Variants in LRIG3 observed in about 807,000 individuals in gnomAD.
LRIG3 encodes leucine-rich repeats and immunoglobulin-like domains protein 3.
A neutral mutation model predicts 114.5 loss-of-function variants in LRIG3; 76 were observed. The ratio of observed to expected loss-of-function variants is 0.66; its 90% CI spans 0.55 to 0.80. The LOEUF (loss-of-function observed/expected upper bound fraction) is 0.80. Among genes scored for constraint, LRIG3 ranks in the 30% least tolerant of loss-of-function variants. The pLI, the probability that LRIG3 is intolerant of heterozygous loss-of-function variation, is 0.00. For missense variants in LRIG3, 1,239 were observed against 1,382.8 expected (o/e 0.90, Z 1.65); for synonymous variants, 512 against 519.8 (o/e 0.98, Z 0.20).
intron 1 of LRIG3, among the ~76,000 whole-genome samples, chr12:58,915,542 T>C (rs1314968239): frequency 6.6e-6 from 1 of 152,090 alleles, no homozygotes; most frequent in African/African-American, 2.4e-5. Context: ...CTGGATTCTC[T>C]TTTTCACCTA....
chr12:58,904,825 A>G (rs1360287636), intron 3 of LRIG3, among the ~76,000 whole-genome samples: 1 of 152,192 alleles, frequency 6.6e-6, no homozygotes, highest in Admixed American at 6.6e-5. Flanking sequence ...GAGAAAATAA[A>G]AGACATGATC....
chr12:58,896,278 C>T (rs1871638930), intron 3 of LRIG3, among the ~76,000 whole-genome samples: 1 of 152,188 alleles, frequency 6.6e-6, no homozygotes, highest in Non-Finnish European at 1.5e-5. Flanking sequence ...AGTGTGATGA[C>T]TGGTTCTACT....
intron 14 of LRIG3, among the ~76,000 whole-genome samples, 166 bp from the exon 15 acceptor site, chr12:58,878,018 A>G (rs1870987483): frequency 6.6e-6 from 1 of 152,194 alleles, no homozygotes; most frequent in African/African-American, 2.4e-5. Context: ...TCAGTATTTC[A>G]CTATTCTGCT....
At chr12:58,882,467 A>C (rs1051366193) in intron 12 of LRIG3, among the ~76,000 whole-genome samples, 7 of 152,210 alleles carry the variant, frequency 4.6e-5, no homozygotes, top group African/African-American at 1.7e-4. Context: ...CACCCCATAA[A>C]TCATTAATAA....
rs147929311 is a variant in LRIG3 at position 58,874,731 on chromosome 12, T to C, written c.2696-158A>G. 1.3e-3 allele frequency among the ~76,000 whole-genome samples: 192 copies of C among 152,360 alleles called. 2 individuals carry two copies. The highest frequency in any genetic ancestry group is 4.3e-3 in the African/African-American group (177 of 41,592). Reference sequence around the variant, plus strand: ...ATTTACAGTAGGGTTTTAAAAAATTTATTAGAGGACTTAATTAGCCATTGT... The same window carrying C: ...ATTTACAGTAGGGTTTTAAAAAATTCATTAGAGGACTTAATTAGCCATTGT... On this transcript the variant is annotated intron_variant, in intron 16 of 18. Transcript: ENST00000320743.
chr12:58,906,286 G>C (rs1371675681), intron 3 of LRIG3, among the ~76,000 whole-genome samples: 1 of 151,908 alleles, frequency 6.6e-6, no homozygotes, highest in Non-Finnish European at 1.5e-5. Flanking sequence ...TTTTAAAAAA[G>C]GTAGCAACTA....
chr12:58,888,603 G>A (rs1592299486), intron 6 of LRIG3, 131 bp from the exon 7 acceptor site: 28 of 1,310,376 alleles, frequency 2.1e-5, no homozygotes, highest in East Asian at 7.6e-5. Flanking sequence ...ATATGAAGAC[G>A]TCAGCAAAAA....
intron 3 of LRIG3, among the ~76,000 whole-genome samples, chr12:58,895,148 C>G (rs1871595061): frequency 6.6e-6 from 1 of 152,204 alleles, no homozygotes; most frequent in Non-Finnish European, 1.5e-5. Flanking sequence ...CCATTTTCAT[C>G]TGATGATATT....
Position 58,910,486 on chromosome 12 carries a change from T to C in LRIG3, c.383+3496A>G, listed in dbSNP as rs1430655000. Among the ~76,000 whole-genome samples the C allele has an allele frequency of 3.9e-5, 6 of 152,280 alleles. No individual in the cohort carries two copies. In the East Asian group the frequency reaches 1.2e-3, roughly 29 times the overall value. Reference sequence around the variant, plus strand: ...AACTGGGCGTGGCAGCATGCGCCTGTAGTCCCAGCTGCTGGGGAGGCTGAG... The same window carrying C: ...AACTGGGCGTGGCAGCATGCGCCTGCAGTCCCAGCTGCTGGGGAGGCTGAG... On this transcript the variant is annotated intron_variant, in intron 3 of 18. Transcript: ENST00000320743.
chr12:58,915,351 T>A (rs1051484180), intron 1 of LRIG3, among the ~76,000 whole-genome samples: 3 of 152,206 alleles, frequency 2.0e-5, no homozygotes, highest in African/African-American at 4.8e-5. Context: ...CGGAGTTTTT[T>A]AAATAACCAA....
chr12:58,920,092 G>A lies in LRIG3; in HGVS notation c.144C>T (p.Pro48=), dbSNP rs1426797136. The change falls in exon 1 of 19, where the codon CCC becomes CCT. Residue 48 remains proline (P), a synonymous_variant. Transcript: ENST00000320743. ...PSGVAAERPC[P]TTCRCLGDLL... ...GGTCCCCGAGGCAGCGGCAGGTAGT[G>A]GGGCATGGGCGCTCGGCGGCTACCC... 1.3e-6 allele frequency: 2 copies of A among 1,555,162 alleles called. No individual in the cohort carries two copies. Among genetic ancestry groups the A allele is most frequent in the Non-Finnish European group, 1.7e-6 (2 of 1,150,018 alleles).
intron 14 of LRIG3, among the ~76,000 whole-genome samples, chr12:58,878,089 C>T (rs780598652): frequency 1.8e-4 from 28 of 152,192 alleles, no homozygotes; most frequent in Non-Finnish European, 2.5e-4. Context: ...CTCAGCTTCC[C>T]TCACTTTTGC....
In LRIG3 at chr12:58,888,476, C is replaced by T. The variant is rs761342878; in HGVS notation, c.804-4G>A. The T allele has an allele frequency of 7.4e-6, 12 of 1,611,854 alleles. No individual in the cohort carries two copies. Among genetic ancestry groups the T allele is most frequent in the Non-Finnish European group, 9.3e-6 (11 of 1,178,188 alleles). ...TAGGTTGTTATGGTCCAGCTGCCTA[C>T]ATTTACAGTAAGAATCAAAAGCAGG... On this transcript the variant is annotated splice_region_variant and splice_polypyrimidine_tract_variant and intron_variant, in intron 6 of 18. Transcript: ENST00000320743.
chr12:58,879,522 T>C (rs557162196), intron 13 of LRIG3, among the ~76,000 whole-genome samples: 4 of 152,322 alleles, frequency 2.6e-5, no homozygotes, highest in Admixed American at 2.6e-4. Flanking sequence ...AAGATACATG[T>C]TTTGCCCTAC....
chr12:58,914,275 G>A lies in LRIG3; in HGVS notation c.298C>T (p.Leu100Phe). ...ATAACGAAGACTCACACTTCTCGAA[G>A]GCTTTGAAGGTGGCTCATGGAACTT... Reference protein sequence around the residue: ...KASSMSHLQSLREVKLNNNEL... With the variant: ...KASSMSHLQSFREVKLNNNEL... The change falls in exon 2 of 19, where the codon CTT (leucine) becomes TTT (phenylalanine). Residue 100 changes from leucine (L) to phenylalanine (F), a missense_variant. Coordinates refer to ENST00000320743, the MANE Select transcript of LRIG3 (RefSeq NM_153377.5). 1 of 1,613,908 alleles carries A rather than the reference G, an allele frequency of 6.2e-7. No homozygotes were observed. The highest frequency in any genetic ancestry group is 8.5e-7 in the Non-Finnish European group (1 of 1,179,880).
intron 4 of LRIG3, among the ~76,000 whole-genome samples, chr12:58,890,346 T>C (rs1871414908): frequency 6.6e-6 from 1 of 152,224 alleles, no homozygotes; most frequent in Admixed American, 6.5e-5. Context: ...GATGCAAAAT[T>C]TTTTTATAAA....
At position 58,888,979 on chromosome 12, in the gene LRIG3, A is replaced by T; in HGVS notation, c.660-17T>A. 6.2e-7 allele frequency: 1 copy of T among 1,608,894 alleles called. No homozygotes were observed. The highest frequency in any genetic ancestry group is 8.5e-7 in the Non-Finnish European group (1 of 1,177,890). ...TTCAATTCGCTGCATTGAGTATTACAAGAGTTAGCTTATATGACAATTAAA... is the reference window on the plus strand; with the variant it reads ...TTCAATTCGCTGCATTGAGTATTACTAGAGTTAGCTTATATGACAATTAAA... On this transcript the variant is annotated splice_polypyrimidine_tract_variant and intron_variant, in intron 5 of 18. Coordinates refer to ENST00000320743, the MANE Select transcript of LRIG3 (RefSeq NM_153377.5).
Position 58,886,802 on chromosome 12 carries a change from A to C in LRIG3, c.1172+8T>G, listed in dbSNP as rs1177670681. 6.2e-7 allele frequency: 1 copy of C among 1,611,864 alleles called. No individual in the cohort carries two copies. Among genetic ancestry groups the C allele is most frequent in the Non-Finnish European group, 8.5e-7 (1 of 1,178,288 alleles). ...AGTGAGCTAAATTATGAGGCAATTC[A>C]TACTCACAGTCGCCTCAGTTTGTCA... On this transcript the variant is annotated splice_region_variant and intron_variant, in intron 9 of 18. Transcript: ENST00000320743.
chr12:58,909,144 G>T (rs531772982), intron 3 of LRIG3, among the ~76,000 whole-genome samples: 1 of 152,062 alleles, frequency 6.6e-6, no homozygotes. Flanking sequence ...ACATGCTTCC[G>T]ACACCTCTTC....
Sources: gnomAD v4.1 joint callset for allele counts (sites outside exome capture counted in the v4.1 genomes callset) on GRCh38, gnomAD v4.1.1 for gene constraint, MANE v1.5 for transcripts, NCBI Gene and HGNC (gene_info 2026-07-23, HGNC 2026-07-21) for gene names.